The following SMYD3 variants were observed in gnomAD, a reference collection of about 807,000 sequenced individuals.
SMYD3 encodes the protein histone-lysine N-methyltransferase SMYD3.
In SMYD3, 36 loss-of-function variants were observed where a neutral mutation model predicts 57.7. The observed-to-expected ratio is 0.62, with a 90% CI of 0.48 to 0.82. The LOEUF is 0.82. SMYD3 is among the 40% of genes least tolerant of loss of function. The pLI, the probability that SMYD3 is intolerant of heterozygous loss-of-function variation, is 0.00. For missense variants in SMYD3, 515 were observed against 538.8 expected (o/e 0.96, Z 0.44); for synonymous variants, 211 against 195.0 (o/e 1.08, Z -0.68).
intron 5 of SMYD3, among the ~76,000 whole-genome samples, chr1:246,200,241 C>T (rs12691529): frequency 0.03 from 118 of 3,884 alleles, 1 homozygote; most frequent in South Asian, 0.053. Context: ...TACACAGATG[C>T]CCACTGTAAT....
chr1:245,803,278 C>G (rs1310023810), intron 10 of SMYD3, among the ~76,000 whole-genome samples: 1 of 152,194 alleles, frequency 6.6e-6, no homozygotes, highest in Non-Finnish European at 1.5e-5. Flanking sequence ...CACTGGGGCA[C>G]AGGAGAGGTG....
At chr1:246,354,638 A>C (rs1308141967) in intron 2 of SMYD3, among the ~76,000 whole-genome samples, 3 of 94,306 alleles carry the variant, frequency 3.2e-5, no homozygotes, top group Admixed American at 2.7e-4. Flanking sequence ...TTCATGCCAG[A>C]TTAAACTATA....
intron 5 of SMYD3, among the ~76,000 whole-genome samples, chr1:246,296,452 T>C (rs1240116803): frequency 6.6e-6 from 1 of 152,170 alleles, no homozygotes; most frequent in East Asian, 1.9e-4. Flanking sequence ...ATACCTACAT[T>C]CATGACAGAA....
At chr1:245,880,010 G>T (rs933879208) in intron 8 of SMYD3, among the ~76,000 whole-genome samples, 3 of 151,092 alleles carry the variant, frequency 2.0e-5, no homozygotes, top group African/African-American at 7.3e-5. Flanking sequence ...GCACAGGTGC[G>T]TTGCTGTACA....
intron 5 of SMYD3, among the ~76,000 whole-genome samples, chr1:246,093,094 A>T (rs918970072): frequency 1.1e-4 from 16 of 152,330 alleles, no homozygotes; most frequent in African/African-American, 3.8e-4. Context: ...TGGCCATTTT[A>T]AAAAAGACGA....
At chr1:245,819,150 C>T (rs1198689407) in intron 10 of SMYD3, among the ~76,000 whole-genome samples, 1 of 142,466 alleles carries the variant, frequency 7.0e-6, no homozygotes, top group East Asian at 2.0e-4. Context: ...GGAAGTAAAG[C>T]TCTCCTCAGC....
intron 5 of SMYD3, among the ~76,000 whole-genome samples, chr1:246,016,703 G>A (rs1427976011): frequency 6.6e-6 from 1 of 152,152 alleles, no homozygotes; most frequent in Non-Finnish European, 1.5e-5. Context: ...CAGAAGCACT[G>A]TGGAAGAGGG....
intron 10 of SMYD3, among the ~76,000 whole-genome samples, chr1:245,783,209 C>T (rs1031007655): frequency 6.6e-6 from 1 of 152,036 alleles, no homozygotes; most frequent in South Asian, 2.1e-4. Flanking sequence ...ATATGAGGAG[C>T]CTTCACAGAA....
At chr1:245,761,268 T>C (rs2045831714) in intron 11 of SMYD3, among the ~76,000 whole-genome samples, 1 of 152,028 alleles carries the variant, frequency 6.6e-6, no homozygotes, top group Admixed American at 6.5e-5. Flanking sequence ...GTACCAAGAA[T>C]AGGAAAAGCT....
intron 5 of SMYD3, 40 bp downstream of exon 5, chr1:246,327,161 T>C (rs1159702827): frequency 6.2e-7 from 1 of 1,611,006 alleles, no homozygotes; most frequent in East Asian, 2.2e-5. Context: ...GAGCAAATGG[T>C]TGATGTATGG....
At chr1:246,017,724 T>G (rs2059401632) in intron 5 of SMYD3, among the ~76,000 whole-genome samples, 3 of 152,200 alleles carry the variant, frequency 2.0e-5, no homozygotes, top group Non-Finnish European at 4.4e-5. Flanking sequence ...CTCTTTGAAT[T>G]CCTAAGAATT....
At position 246,413,007 on chromosome 1, in the gene SMYD3, G is replaced by A. The variant is rs555415924; in HGVS notation, c.165-57913C>T. The stretch of plus-strand genomic sequence containing the variant: ...AGGTTGAAGAAATCAAGGCAGAGAG[G>A]TTAAACAGTTTGCTCAAGGTCATGT... On this transcript the variant is annotated intron_variant, in intron 1 of 11. Coordinates refer to ENST00000490107, the MANE Select transcript of SMYD3 (RefSeq NM_001167740.2). 6.6e-5 allele frequency among the ~76,000 whole-genome samples: 10 copies of A among 152,252 alleles called. No homozygotes were observed. The East Asian group carries it at 1.9e-3, about 29-fold the overall frequency.
chr1:246,136,896 T>C (rs993208113), intron 5 of SMYD3, among the ~76,000 whole-genome samples: 5 of 152,306 alleles, frequency 3.3e-5, no homozygotes, highest in African/African-American at 1.2e-4. Context: ...TCTGCCCAAC[T>C]GTATGCACAG....
intron 5 of SMYD3, among the ~76,000 whole-genome samples, chr1:245,959,639 C>T (rs1293105247): frequency 1.3e-5 from 2 of 152,216 alleles, no homozygotes; most frequent in Non-Finnish European, 2.9e-5. Flanking sequence ...TCTCTTGTGA[C>T]CACCTGAAGG....
chr1:246,469,563 C>G (rs77945117), intron 1 of SMYD3, among the ~76,000 whole-genome samples: 2,495 of 152,008 alleles, frequency 0.016, 32 homozygotes, highest in Non-Finnish European at 0.024. Flanking sequence ...ACAATTTCAG[C>G]ATCAAAATAA....
At chr1:246,493,087 G>A (rs2068295918) in intron 1 of SMYD3, among the ~76,000 whole-genome samples, 1 of 152,122 alleles carries the variant, frequency 6.6e-6, no homozygotes, top group Non-Finnish European at 1.5e-5. Flanking sequence ...AAAGGGTAAA[G>A]TTAATGTTAC....
intron 10 of SMYD3, among the ~76,000 whole-genome samples, chr1:245,768,560 C>T (rs534601010): frequency 6.6e-6 from 1 of 152,312 alleles, no homozygotes; most frequent in Non-Finnish European, 1.5e-5. Flanking sequence ...TTATTCAGGG[C>T]TACTGCTTTG....
At chr1:245,841,849 A>T (rs1238940216) in intron 10 of SMYD3, among the ~76,000 whole-genome samples, 2 of 152,186 alleles carry the variant, frequency 1.3e-5, no homozygotes, top group African/African-American at 4.8e-5. Flanking sequence ...TAATACAGTC[A>T]TGTGCCACAT....
At chr1:246,146,607 G>C (rs2061846911) in intron 5 of SMYD3, among the ~76,000 whole-genome samples, 1 of 152,150 alleles carries the variant, frequency 6.6e-6, no homozygotes, top group Non-Finnish European at 1.5e-5. Context: ...ACCGTCCTGG[G>C]GGTGAGTTTT....
Sources: gnomAD v4.1 joint callset for allele counts (sites outside exome capture counted in the v4.1 genomes callset) on GRCh38, gnomAD v4.1.1 for gene constraint, MANE v1.5 for transcripts, NCBI Gene and HGNC (gene_info 2026-07-23, HGNC 2026-07-21) for gene names.